Variants in RRAGB observed in about 807,000 individuals in gnomAD.
The protein encoded by RRAGB is ras-related GTP-binding protein B.
RRAGB carries 6 observed loss-of-function variants against 29.3 expected under a neutral mutation model. That is an observed-to-expected ratio of 0.21 (90% CI 0.11 to 0.40). The LOEUF is 0.40. Among genes scored for constraint, RRAGB ranks in the 10% least tolerant of loss-of-function variants. RRAGB has a pLI of 1.00. For synonymous variants in RRAGB, 101 were observed against 92.5 expected (o/e 1.09, Z -0.53); for missense variants, 184 against 272.9 (o/e 0.67, Z 2.29).
chrX:55,749,285 C>G (rs1336964632), intron 5 of RRAGB, among the ~76,000 whole-genome samples: 1 of 91,845 alleles, frequency 1.1e-5, no homozygotes, highest in Non-Finnish European at 2.2e-5. Flanking sequence ...CCCCTCTGCC[C>G]GGCCAGCCGC....
At chrX:55,738,268 GCTT>G (rs202163080) in intron 5 of RRAGB, among the ~76,000 whole-genome samples, 3,421 of 112,284 alleles carry the variant, frequency 0.03, 147 homozygotes, top group African/African-American at 0.11. Context: ...GGTCACTGAT[GCTT>G]CTTATCAGCC....
intron 5 of RRAGB, among the ~76,000 whole-genome samples, chrX:55,745,493 A>G (rs2034214448): frequency 8.9e-6 from 1 of 112,574 alleles, no homozygotes; most frequent in Admixed American, 9.3e-5. Flanking sequence ...CACAGCAGCT[A>G]CAATTGTAGT....
At chrX:55,753,287 TATC>T in intron 6 of RRAGB, 102 bp from the exon 7 acceptor site, 3 of 628,775 alleles carry the variant, frequency 4.8e-6, no homozygotes, top group Non-Finnish European at 7.0e-6. Context: ...GGGACTGGAT[TATC>T]ATCATATTTT....
At chrX:55,733,805 C>T (rs1237985351) in intron 5 of RRAGB, among the ~76,000 whole-genome samples, 5 of 111,320 alleles carry the variant, frequency 4.5e-5, no homozygotes, top group Non-Finnish European at 9.4e-5. Context: ...TAGGATGACA[C>T]TGGCTTTGTA....
intron 5 of RRAGB, among the ~76,000 whole-genome samples, chrX:55,743,962 A>T (rs1194417701): frequency 3.6e-5 from 4 of 111,321 alleles, no homozygotes; most frequent in Non-Finnish European, 5.6e-5. Flanking sequence ...CTGCTGTAGT[A>T]TTGCAGTTGT....
chrX:55,738,722 G>A (rs1226460374), intron 5 of RRAGB, among the ~76,000 whole-genome samples: 1 of 112,060 alleles, frequency 8.9e-6, no homozygotes, highest in Non-Finnish European at 1.9e-5. Flanking sequence ...GTAGGAGACA[G>A]CCAGTTGTGA....
chrX:55,747,843 C>CTCCCTCTCCCTT (rs2034301059), intron 5 of RRAGB, among the ~76,000 whole-genome samples: 1 of 98,610 alleles, frequency 1.0e-5, no homozygotes, highest in Non-Finnish European at 2.1e-5. Context: ...CCCTCTCCCT[C>CTCCCTCTCCCTT]TCCCCACGGT....
At chrX:55,724,326 A>G (rs1388348478) in intron 3 of RRAGB, among the ~76,000 whole-genome samples, 1 of 112,127 alleles carries the variant, frequency 8.9e-6, no homozygotes, top group Non-Finnish European at 1.9e-5. Flanking sequence ...GAACAAGTCC[A>G]ATCCCTTTTT....
intron 5 of RRAGB, among the ~76,000 whole-genome samples, chrX:55,747,992 C>T (rs761320789): frequency 2.7e-5 from 3 of 112,405 alleles, no homozygotes; most frequent in South Asian, 3.7e-4. Context: ...CTCAGCCTGC[C>T]GAGTGCCTGC....
chrX:55,754,539 T>G (rs2034608748), intron 7 of RRAGB, among the ~76,000 whole-genome samples: 1 of 112,373 alleles, frequency 8.9e-6, no homozygotes, highest in African/African-American at 3.2e-5. Context: ...TAGAAACAAT[T>G]CTTAATCTCT....
In RRAGB at chrX:55,748,179, G is replaced by A. The variant is rs777999069; in HGVS notation, c.517-2922G>A. On this transcript the variant is annotated intron_variant, in intron 5 of 9. Coordinates refer to ENST00000374941, the MANE Select transcript of RRAGB (RefSeq NM_006064.5). ...TCTCGTTCACTCAATGCTCAATGGT[G>A]CCCAGGCTGGAGTGCAGTGGCGTGA... is the stretch of plus-strand genomic sequence containing the variant. 2.2e-3 allele frequency among the ~76,000 whole-genome samples: 245 copies of A among 112,715 alleles called. 1 individual carries two copies. Among genetic ancestry groups the A allele is most frequent in the Middle Eastern group, 9.2e-3 (2 of 217 alleles).
chrX:55,756,687 G>A (rs146968355), intron 8 of RRAGB, among the ~76,000 whole-genome samples: 252 of 112,611 alleles, frequency 2.2e-3, no homozygotes, highest in African/African-American at 7.7e-3. Flanking sequence ...TAATCTCAAT[G>A]ATAAGGAAAT....
chrX:55,727,787 G>T, intron 3 of RRAGB, among the ~76,000 whole-genome samples: 1 of 112,268 alleles, frequency 8.9e-6, no homozygotes, highest in Non-Finnish European at 1.9e-5. Flanking sequence ...CTGTGTGATT[G>T]ATTATCACAA....
intron 8 of RRAGB, 87 bp from the exon 9 acceptor site, chrX:55,757,128 CA>C: frequency 2.3e-6 from 1 of 443,873 alleles, no homozygotes; most frequent in Non-Finnish European, 4.0e-6. Context: ...TGCTATACCT[CA>C]ATCATCAAAA....
intron 5 of RRAGB, among the ~76,000 whole-genome samples, chrX:55,749,363 G>T (rs1320738703): frequency 1.0e-5 from 1 of 98,878 alleles, no homozygotes; most frequent in Non-Finnish European, 2.1e-5. Context: ...GGAGGGAGGT[G>T]GGGGGGTCAG....
chrX:55,742,851 C>T (rs2034127097), intron 5 of RRAGB, among the ~76,000 whole-genome samples: 1 of 111,593 alleles, frequency 9.0e-6, no homozygotes, highest in Admixed American at 9.5e-5. Flanking sequence ...CCTAGAGAAC[C>T]TTGCCTAGCT....
Position 55,758,398 on chromosome X carries a change from A to AT in RRAGB, c.*57dup. 1.2e-6 allele frequency: 1 copy of AT among 814,592 alleles called. No homozygotes were observed. The highest frequency in any genetic ancestry group is 1.8e-6 in the Non-Finnish European group (1 of 560,023). 67.1% of individuals were successfully genotyped at this position (814,592 alleles called of 1,213,427 possible). A position where few individuals can be genotyped will look rare whatever the true frequency, so the allele number is the denominator to read the frequency against. The stretch of plus-strand genomic sequence containing the variant: ...TTAAAAGTTTCCTAATTAATGTTGT[A>AT]TTCATATATGTAGGCTCTGAAATGT... On this transcript the variant is annotated 3_prime_UTR_variant, in exon 10 of 10. Coordinates refer to ENST00000374941, the MANE Select transcript of RRAGB (RefSeq NM_006064.5).
rs748593786 is a variant in RRAGB at position 55,721,158 on chromosome X, T to C, written c.127-1028T>C. ...TGTTTTGATAACTTGCTTGTTCTTT[T>C]GATGTACATACTTTGAGCATCTGTT... On this transcript the variant is annotated intron_variant, in intron 2 of 9. Coordinates refer to ENST00000374941, the MANE Select transcript of RRAGB (RefSeq NM_006064.5). Among the ~76,000 whole-genome samples, 6 of 111,675 alleles carry C rather than the reference T, an allele frequency of 5.4e-5. No individual in the cohort carries two copies. The East Asian group carries it at 1.7e-3, about 31-fold the overall frequency.
chrX:55,722,182 T>G lies in RRAGB; in HGVS notation c.127-4T>G. The G allele has an allele frequency of 1.7e-6, 2 of 1,149,057 alleles. No homozygotes were observed. The highest frequency in any genetic ancestry group is 2.4e-6 in the Non-Finnish European group (2 of 842,964). The allele number at this position is 1,149,057 out of a possible 1,213,427, so 94.7% of individuals were successfully genotyped here. ...TCCTTTCCTTTTCCCTACTTTGTCC[T>G]TAGGTGCTGTTGATGGGTAAAAGTG... On this transcript the variant is annotated splice_polypyrimidine_tract_variant and splice_region_variant and intron_variant, in intron 2 of 9. Transcript: ENST00000374941.
Sources: allele counts gnomAD v4.1 joint callset (sites outside exome capture counted in the v4.1 genomes callset), GRCh38; gene constraint gnomAD v4.1.1; transcripts MANE v1.5; gene names NCBI Gene and HGNC (gene_info 2026-07-23, HGNC 2026-07-21).